Variants in RANBP2 observed in about 807,000 individuals in gnomAD.
The protein encoded by RANBP2 is RAN binding protein 2.
A neutral mutation model predicts 303.6 loss-of-function variants in RANBP2; 57 were observed. The ratio of observed to expected loss-of-function variants is 0.19; its 90% CI spans 0.15 to 0.23. The LOEUF (loss-of-function observed/expected upper bound fraction) is 0.23, where lower values mean the gene tolerates loss of function less well. Among genes scored for constraint, RANBP2 ranks in the 10% least tolerant of loss-of-function variants. The probability of loss-of-function intolerance (pLI) is 1.00; values close to 1 mark genes in which losing one functional copy is unlikely to be tolerated. For missense variants in RANBP2, 3,138 were observed against 3,780.8 expected (o/e 0.83, Z 4.46); for synonymous variants, 1,167 against 1,301.5 (o/e 0.90, Z 2.23).
the RANBP2 span, among the ~76,000 whole-genome samples, chr2:108,858,109 C>T: frequency 2.6e-5 from 4 of 152,092 alleles, no homozygotes; most frequent in South Asian, 4.2e-4. Flanking sequence ...TTTGGGAGGC[C>T]GAGGCGGGCA....
the RANBP2 span, among the ~76,000 whole-genome samples, chr2:109,380,220 T>TTCTTAAGTCTTTTTGAGG: frequency 9.2e-5 from 14 of 151,794 alleles, no homozygotes; most frequent in African/African-American, 3.4e-4. Context: ...GATTTCTCTC[T>TTCTTAAGTCTTTTTGAGG]TCTTAAGTCT....
the RANBP2 span, among the ~76,000 whole-genome samples, chr2:109,664,590 T>G: frequency 6.6e-6 from 1 of 151,964 alleles, no homozygotes; most frequent in Middle Eastern, 3.4e-3. Flanking sequence ...GGTGAAAGAA[T>G]TTTAATTATT....
At chr2:109,358,952 A>C in the RANBP2 span, among the ~76,000 whole-genome samples, 2 of 152,122 alleles carry the variant, frequency 1.3e-5, no homozygotes, top group South Asian at 4.1e-4. Flanking sequence ...TATTGAGTTC[A>C]TTTTTGTGAG....
the RANBP2 span, among the ~76,000 whole-genome samples, chr2:109,696,212 C>T: frequency 5.3e-5 from 8 of 152,214 alleles, no homozygotes; most frequent in African/African-American, 1.4e-4. Context: ...ATCTGCCTGC[C>T]TCAGCCTCCC....
chr2:108,965,988 T>C, the RANBP2 span, among the ~76,000 whole-genome samples: 2 of 152,198 alleles, frequency 1.3e-5, no homozygotes, highest in Non-Finnish European at 2.9e-5. Flanking sequence ...GCCTTGTCCC[T>C]CATCTTTGAG....
the RANBP2 span, among the ~76,000 whole-genome samples, chr2:109,159,791 G>A: frequency 6.6e-6 from 1 of 152,154 alleles, no homozygotes; most frequent in Non-Finnish European, 1.5e-5. Context: ...CACATGCGGG[G>A]GATTTAGGTT....
At chr2:109,425,192 G>A in the RANBP2 span, among the ~76,000 whole-genome samples, 1 of 152,228 alleles carries the variant, frequency 6.6e-6, no homozygotes, top group African/African-American at 2.4e-5. Flanking sequence ...TGCTGAGAGA[G>A]GTGAGGAAGC....
At chr2:109,101,984 C>T in the RANBP2 span, among the ~76,000 whole-genome samples, 1 of 152,206 alleles carries the variant, frequency 6.6e-6, no homozygotes, top group Non-Finnish European at 1.5e-5. Flanking sequence ...GGTGAAATCT[C>T]CATCTTCAGT....
chr2:108,747,098 G>A (rs2433793), intron 8 of RANBP2, among the ~76,000 whole-genome samples: 7 of 152,220 alleles, frequency 4.6e-5, no homozygotes, highest in Middle Eastern at 3.4e-3. Context: ...ATAATTATTG[G>A]TTTGCCAACC....
the RANBP2 span, among the ~76,000 whole-genome samples, chr2:109,185,960 C>T: frequency 6.6e-6 from 1 of 152,214 alleles, no homozygotes; most frequent in Non-Finnish European, 1.5e-5. Context: ...GCTTGGCCAG[C>T]AGAGGCCTGG....
At chr2:109,518,914 T>A in the RANBP2 span, among the ~76,000 whole-genome samples, 1 of 141,584 alleles carries the variant, frequency 7.1e-6, no homozygotes, top group African/African-American at 2.7e-5. Flanking sequence ...GTGCTACATA[T>A]CTTTTTTTTT....
At position 108,758,432 on chromosome 2, in the gene RANBP2, A is replaced by T; in HGVS notation, c.2486A>T (p.Lys829Ile). 1 of 1,611,918 alleles carries T rather than the reference A, an allele frequency of 6.2e-7. No individual in the cohort carries two copies. ...EAIKKEMQEL[K>I]LNSSNSASPH... Reference sequence around the variant, plus strand: ...CAATAGAAAGAAATGCAGGAGTTGAAACTAAATAGCAGTAACTCAGCATCC... The same window carrying T: ...CAATAGAAAGAAATGCAGGAGTTGATACTAAATAGCAGTAACTCAGCATCC... Residue 829 changes from lysine to isoleucine, a missense_variant, in exon 18 of 29, where the codon AAA becomes ATA. Transcript: ENST00000283195.
the RANBP2 span, among the ~76,000 whole-genome samples, chr2:109,517,252 G>T: frequency 0.78 from 117,723 of 151,826 alleles, 46,800 homozygotes; most frequent in Non-Finnish European, 0.88. Flanking sequence ...CCCCTCCCAC[G>T]CCATCGCCCA....
the RANBP2 span, among the ~76,000 whole-genome samples, chr2:109,108,787 C>T: frequency 2.0e-5 from 3 of 152,286 alleles, no homozygotes; most frequent in East Asian, 1.9e-4. Flanking sequence ...GCCCCTGTGG[C>T]GCCCTCCTAG....
chr2:108,744,888 C>T (rs912905501), intron 7 of RANBP2, among the ~76,000 whole-genome samples: 35 of 152,302 alleles, frequency 2.3e-4, no homozygotes, highest in African/African-American at 7.2e-4. Context: ...TATGCATCTC[C>T]AAGTAAACAC....
At chr2:109,574,782 A>C in the RANBP2 span, 1 of 1,553,916 alleles carries the variant, frequency 6.4e-7, no homozygotes, top group Non-Finnish European at 8.7e-7. Flanking sequence ...AAAATTATTT[A>C]AATGTTTAAT....
At chr2:108,876,341 G>A in the RANBP2 span, 6 of 680,588 alleles carry the variant, frequency 8.8e-6, no homozygotes, top group Admixed American at 2.7e-5. Context: ...ACCAAGTAAA[G>A]TTATCAGTAG....
In RANBP2 at chr2:108,784,138, C is replaced by A; in HGVS notation, c.*237C>A. The A allele has an allele frequency of 2.1e-6, 1 of 472,994 alleles. No homozygotes were observed. The highest frequency in any genetic ancestry group is 3.8e-6 in the Non-Finnish European group (1 of 263,474). 29.3% of individuals were successfully genotyped at this position (472,994 alleles called of 1,614,324 possible). A position where few individuals can be genotyped will look rare whatever the true frequency, so the allele number is the denominator to read the frequency against. The stretch of plus-strand genomic sequence containing the variant: ...TGTACTTGTGTTTATGTACTCCTGA[C>A]GTATTAAAATGGAATAATACTAATC... On this transcript the variant is annotated 3_prime_UTR_variant, in exon 29 of 29. Coordinates refer to ENST00000283195, the MANE Select transcript of RANBP2 (RefSeq NM_006267.5).
chr2:109,419,546 C>T, the RANBP2 span: 2 of 1,594,900 alleles, frequency 1.3e-6, no homozygotes, highest in Admixed American at 1.7e-5. Context: ...CAGGATGTCT[C>T]CTCCTCGGCG....
Sources: gnomAD v4.1 joint callset for allele counts (sites outside exome capture counted in the v4.1 genomes callset) on GRCh38, gnomAD v4.1.1 for gene constraint, MANE v1.5 for transcripts, NCBI Gene and HGNC (gene_info 2026-07-23, HGNC 2026-07-21) for gene names.